PROM1: variants seen among roughly 807,000 people sequenced by gnomAD.
The protein encoded by PROM1 is prominin-1.
In PROM1, 105 loss-of-function variants were observed where a neutral mutation model predicts 116.9. The ratio of observed to expected loss-of-function variants is 0.90; its 90% CI spans 0.77 to 1.06. The LOEUF (loss-of-function observed/expected upper bound fraction) is 1.06, where lower values mean the gene tolerates loss of function less well. Ranked by LOEUF, PROM1 falls within the 50% of genes least tolerant of loss-of-function variation. The pLI, the probability that PROM1 is intolerant of heterozygous loss-of-function variation, is 0.00. For synonymous variants in PROM1, 393 were observed against 387.0 expected, an observed-to-expected ratio of 1.02 and a Z score of -0.18; for missense variants, 1,122 against 1,045.2, an observed-to-expected ratio of 1.07 and a Z score of -1.01.
intron 15 of PROM1, 57 bp downstream of exon 15, chr4:15,998,328 C>T: frequency 1.4e-6 from 2 of 1,473,410 alleles, no homozygotes; most frequent in Non-Finnish European, 9.0e-7. Context: ...ATGCAAAATT[C>T]TCATTCCAGA....
chr4:16,018,930 G>T lies in PROM1; in HGVS notation c.785-390C>A, dbSNP rs1729124649. Among the ~76,000 whole-genome samples, 11 of 152,302 alleles carry T rather than the reference G, an allele frequency of 7.2e-5. 2 individuals carry two copies. In the South Asian group the frequency reaches 2.3e-3, roughly 32 times the overall value. On this transcript the variant is annotated intron_variant, in intron 8 of 27. Coordinates refer to ENST00000447510, the MANE Select transcript of PROM1 (RefSeq NM_006017.3). ...TGCACATCAAAATGGATTACGCCCA[G>T]ATATATTTTAGCTCTATTTATTCTA... is the stretch of plus-strand genomic sequence containing the variant.
At chr4:16,006,441 G>A in intron 13 of PROM1, 97 bp downstream of exon 13, 4 of 1,372,444 alleles carry the variant, frequency 2.9e-6, no homozygotes, top group Non-Finnish European at 1.9e-6. Flanking sequence ...CCGCGTACGT[G>A]GCCCAGAGGG....
chr4:16,009,994 A>C (rs1726505669), intron 11 of PROM1, among the ~76,000 whole-genome samples: 1 of 152,064 alleles, frequency 6.6e-6, no homozygotes. Flanking sequence ...GGCCCATTTA[A>C]AAAACAAACA....
rs765883344 is a variant in PROM1, at chr4:16,008,977, G to A, written c.1273C>T (p.Pro425Ser). The change falls in exon 12 of 28, where the codon CCT becomes TCT. Residue 425 changes from proline (P) to serine (S), a missense_variant. Transcript: ENST00000447510. The stretch of plus-strand genomic sequence containing the variant: ...TATGAATCATACTCTTCCAATGTAG[G>A]TAAATTTCTGTGGATGTAACTTTCA... ...NTESYIHRNL[P>S]TLEEYDSYWW... The A allele has an allele frequency of 6.3e-7, 1 of 1,593,616 alleles. No homozygotes were observed. Among genetic ancestry groups the A allele is most frequent in the Non-Finnish European group, 8.6e-7 (1 of 1,162,314 alleles).
intron 2 of PROM1, among the ~76,000 whole-genome samples, chr4:16,068,746 T>C (rs909393354): frequency 3.3e-5 from 5 of 152,194 alleles, no homozygotes; most frequent in Admixed American, 6.5e-5. Flanking sequence ...TTACCTGTAA[T>C]GGAGGGAGCT....
At chr4:15,994,152 G>C (rs1462252663) in intron 15 of PROM1, 81 bp from the exon 16 acceptor site, 6 of 1,590,006 alleles carry the variant, frequency 3.8e-6, no homozygotes, top group South Asian at 2.3e-5. Flanking sequence ...GAGGAGAAAG[G>C]CTCACTGTTT....
At chr4:16,067,607 C>G (rs1430459604) in intron 2 of PROM1, among the ~76,000 whole-genome samples, 1 of 152,206 alleles carries the variant, frequency 6.6e-6, no homozygotes, top group African/African-American at 2.4e-5. Context: ...GTTCTTTCCT[C>G]TGTGTGTGAC....
At chr4:16,036,762 A>T (rs1734036000) in intron 3 of PROM1, among the ~76,000 whole-genome samples, 1 of 152,228 alleles carries the variant, frequency 6.6e-6, no homozygotes, top group Admixed American at 6.5e-5. Context: ...CAACACACTC[A>T]GCCTTTATCA....
At chr4:15,996,482 C>A (rs1037486501) in intron 15 of PROM1, among the ~76,000 whole-genome samples, 6 of 151,736 alleles carry the variant, frequency 4.0e-5, no homozygotes, top group Non-Finnish European at 7.4e-5. Context: ...TACACTCCAG[C>A]CCGGGTGATA....
chr4:16,002,164 G>A (rs1243993591), intron 13 of PROM1, among the ~76,000 whole-genome samples: 1 of 151,972 alleles, frequency 6.6e-6, no homozygotes, highest in African/African-American at 2.4e-5. Context: ...GAAAATGGAC[G>A]TATCAGAGTG....
chr4:16,080,980 T>A (rs1450541679), intron 1 of PROM1, among the ~76,000 whole-genome samples: 1 of 152,016 alleles, frequency 6.6e-6, no homozygotes. Context: ...CCAGCCTTGC[T>A]GCCACTTACC....
At chr4:16,012,481 C>G (rs1056070828) in intron 11 of PROM1, among the ~76,000 whole-genome samples, 3 of 152,160 alleles carry the variant, frequency 2.0e-5, no homozygotes, top group Non-Finnish European at 4.4e-5. Context: ...TGTAAGCAAC[C>G]TAAGGAGCCT....
At chr4:16,007,692 A>G (rs1577991200) in intron 12 of PROM1, among the ~76,000 whole-genome samples, 1 of 152,078 alleles carries the variant, frequency 6.6e-6, no homozygotes. Flanking sequence ...GGGCAGGGGG[A>G]AAAGGAAGGG....
intron 8 of PROM1, among the ~76,000 whole-genome samples, chr4:16,021,770 G>C (rs1185292504): frequency 1.3e-5 from 2 of 152,130 alleles, no homozygotes; most frequent in Non-Finnish European, 2.9e-5. Context: ...GTCCCATCTA[G>C]GGTGGTCCAG....
At chr4:15,987,939 C>G (rs979846503) in intron 19 of PROM1, among the ~76,000 whole-genome samples, 1 of 147,748 alleles carries the variant, frequency 6.8e-6, no homozygotes, top group Non-Finnish European at 1.5e-5. Context: ...TGCAGTGGCA[C>G]GATCTCAGCT....
intron 20 of PROM1, 101 bp downstream of exon 20, chr4:15,987,562 T>A (rs1719761945): frequency 8.0e-7 from 1 of 1,256,116 alleles, no homozygotes; most frequent in Non-Finnish European, 1.1e-6. Flanking sequence ...CTGAGGCTTT[T>A]TTTTTCAACT....
At chr4:15,995,544 G>C (rs1164922264) in intron 15 of PROM1, among the ~76,000 whole-genome samples, 1 of 152,178 alleles carries the variant, frequency 6.6e-6, no homozygotes, top group East Asian at 1.9e-4. Context: ...GCCATGGGCT[G>C]AATAATGGAA....
chr4:16,000,265 T>A (rs1038188420), intron 14 of PROM1, among the ~76,000 whole-genome samples: 11 of 152,358 alleles, frequency 7.2e-5, no homozygotes, highest in African/African-American at 2.6e-4. Context: ...ATTTCGCTTA[T>A]GATCAGAAAA....
At chr4:16,070,567 A>T (rs1742574137) in intron 2 of PROM1, among the ~76,000 whole-genome samples, 1 of 152,214 alleles carries the variant, frequency 6.6e-6, no homozygotes, top group South Asian at 2.1e-4. Context: ...ACCTCCCATA[A>T]TTTTGTTTAA....
Sources: gnomAD v4.1 joint callset for allele counts (sites outside exome capture counted in the v4.1 genomes callset) on GRCh38, gnomAD v4.1.1 for gene constraint, MANE v1.5 for transcripts, NCBI Gene and HGNC (gene_info 2026-07-23, HGNC 2026-07-21) for gene names.